TMEM63B: variants seen among roughly 807,000 people sequenced by gnomAD.
The protein encoded by TMEM63B is transmembrane protein 63B.
In TMEM63B, 23 loss-of-function variants were observed where a neutral mutation model predicts 102.6. The observed-to-expected ratio is 0.22, with a 90% CI of 0.16 to 0.32. The LOEUF is 0.32. Ranked by LOEUF, TMEM63B falls within the 10% of genes least tolerant of loss-of-function variation. TMEM63B has a pLI of 1.00. For synonymous variants in TMEM63B, 444 were observed against 437.0 expected (o/e 1.02, Z -0.20); for missense variants, 628 against 1,095.9 (o/e 0.57, Z 6.03).
At position 44,135,468 on chromosome 6, in the gene TMEM63B, A is replaced by G. The variant is rs1033249497; in HGVS notation, c.278+102A>G. On this transcript the variant is annotated intron_variant, in intron 4 of 23. Coordinates refer to ENST00000323267, the MANE Select transcript of TMEM63B (RefSeq NM_018426.3). Reference sequence around the variant, plus strand: ...TGCCAAGTTGCTGGTTTCTTTTTGCAGTTTTCTCCTCTGCAGGCTCATGTT... The same window carrying G: ...TGCCAAGTTGCTGGTTTCTTTTTGCGGTTTTCTCCTCTGCAGGCTCATGTT... 31 of 1,412,816 alleles carry G rather than the reference A, an allele frequency of 2.2e-5. No individual in the cohort carries two copies. The Middle Eastern group carries it at 8.9e-4, about 41-fold the overall frequency. The allele number at this position is 1,412,816 out of a possible 1,614,324, so 87.5% of individuals were successfully genotyped here.
At position 44,152,074 on chromosome 6, in the gene TMEM63B, C is replaced by A. The variant is rs1017138010; in HGVS notation, c.1836+66C>A. The A allele has an allele frequency of 6.6e-7, 1 of 1,513,478 alleles. No homozygotes were observed. The highest frequency in any genetic ancestry group is 1.4e-5 in the African/African-American group (1 of 71,174). The allele number at this position is 1,513,478 out of a possible 1,614,324, so 93.8% of individuals were successfully genotyped here. A position where few individuals can be genotyped will look rare whatever the true frequency, so the allele number is the denominator to read the frequency against. On this transcript the variant is annotated intron_variant, in intron 19 of 23. Coordinates refer to ENST00000323267, the MANE Select transcript of TMEM63B (RefSeq NM_018426.3). This position sits in a 1 kb window ranked among gnomAD's most constrained non-coding sequence, Gnocchi z 6.4. ...CTGGTGGCCCAACAAGAAACAGCAG[C>A]CATCGCGCTAGGGTTGAGGGGCACA...
Position 44,154,884 on chromosome 6 carries a change from G to A in TMEM63B, c.*1G>A. 1 of 1,537,636 alleles carries A rather than the reference G, an allele frequency of 6.5e-7. No individual in the cohort carries two copies. ...CATAGAGAATGAGATTCACCAGTAA[G>A]GGGAGGGAGGGGCCCTGGAGGCCAC... On this transcript the variant is annotated 3_prime_UTR_variant, in exon 24 of 24. Coordinates refer to ENST00000323267, the MANE Select transcript of TMEM63B (RefSeq NM_018426.3).
At position 44,154,890 on chromosome 6, in the gene TMEM63B, G is replaced by A; in HGVS notation, c.*7G>A. ...GAATGAGATTCACCAGTAAGGGGAG[G>A]GAGGGGCCCTGGAGGCCACATCCTG... On this transcript the variant is annotated 3_prime_UTR_variant, in exon 24 of 24. Transcript: ENST00000323267. 6.5e-7 allele frequency: 1 copy of A among 1,530,216 alleles called. No homozygotes were observed. Among genetic ancestry groups the A allele is most frequent in the Non-Finnish European group, 8.8e-7 (1 of 1,139,732 alleles). 94.8% of individuals were successfully genotyped at this position (1,530,216 alleles called of 1,614,324 possible).
intron 10 of TMEM63B, among the ~76,000 whole-genome samples, chr6:44,141,316 G>A (rs1297674791): frequency 6.6e-6 from 1 of 152,156 alleles, no homozygotes; most frequent in Non-Finnish European, 1.5e-5. Flanking sequence ...AACCTGAAGA[G>A]TGAGTCATTC....
At position 44,135,142 on chromosome 6, in the gene TMEM63B, G is replaced by A. The variant is rs200910466; in HGVS notation, c.239+46G>A. ...CTCTAGCTCTCCACACACACATCTT[G>A]TTCCACACTCCTCAGGAATAGGAAG... On this transcript the variant is annotated intron_variant, in intron 3 of 23. Transcript: ENST00000323267. The A allele has an allele frequency of 2.6e-5, 41 of 1,605,944 alleles. No homozygotes were observed. In the East Asian group the frequency reaches 8.3e-4, roughly 32 times the overall value.
intron 4 of TMEM63B, among the ~76,000 whole-genome samples, chr6:44,135,690 A>G (rs920538478): frequency 4.6e-5 from 7 of 152,164 alleles, no homozygotes; most frequent in African/African-American, 1.7e-4. Flanking sequence ...ACGTAGAGAC[A>G]AGATTGGGTG....
intron 1 of TMEM63B, 33 bp from the exon 2 acceptor site, chr6:44,134,528 C>T (rs544567790): frequency 3.5e-4 from 561 of 1,588,702 alleles, no homozygotes; most frequent in Non-Finnish European, 4.3e-4. Flanking sequence ...GGGATGGGGG[C>T]AAGCCCAGCT....
chr6:44,135,352 A>G lies in TMEM63B; in HGVS notation c.264A>G (p.Arg88=), dbSNP rs1399823674. The change falls in exon 4 of 24, where the codon CGA becomes CGG. Residue 88 remains arginine (R), a synonymous_variant. Transcript: ENST00000323267. ...GGCTTCGGCGGCAGGAGAGGGACCGAGTGGAACAGGAATAGTATGTGGGGC... is the reference window on the plus strand; with the variant it reads ...GGCTTCGGCGGCAGGAGAGGGACCGGGTGGAACAGGAATAGTATGTGGGGC... ...ADRLRRQERD[R]VEQEYVASAM... The G allele has an allele frequency of 6.2e-7, 1 of 1,613,002 alleles. No individual in the cohort carries two copies. Among genetic ancestry groups the G allele is most frequent in the Non-Finnish European group, 8.5e-7 (1 of 1,179,460 alleles).
chr6:44,141,128 A>G (rs779845952), intron 10 of TMEM63B, 30 bp downstream of exon 10: 37 of 1,607,456 alleles, frequency 2.3e-5, no homozygotes, highest in Non-Finnish European at 3.1e-5. Context: ...CCCTACCCTC[A>G]AGCCCTGCTG....
At chr6:44,134,451 C>T (rs1562115462) in intron 1 of TMEM63B, 110 bp from the exon 2 acceptor site, 1 of 1,165,994 alleles carries the variant, frequency 8.6e-7, no homozygotes, top group Non-Finnish European at 1.2e-6. Context: ...AGCTTCCATC[C>T]ACCCAGGCAG....
At chr6:44,137,943 G>T (rs983978421) in intron 5 of TMEM63B, among the ~76,000 whole-genome samples, 1 of 152,008 alleles carries the variant, frequency 6.6e-6, no homozygotes, top group Non-Finnish European at 1.5e-5. Flanking sequence ...CAGTTGATCC[G>T]CCCGCCTTGG....
chr6:44,137,311 G>GA (rs1401973448), intron 5 of TMEM63B, among the ~76,000 whole-genome samples: 1 of 152,194 alleles, frequency 6.6e-6, no homozygotes, highest in Non-Finnish European at 1.5e-5. Flanking sequence ...TGAGGGTAAG[G>GA]AGCCTAGTCA....
At chr6:44,141,380 G>C (rs1764233516) in intron 10 of TMEM63B, among the ~76,000 whole-genome samples, 2 of 152,156 alleles carry the variant, frequency 1.3e-5, no homozygotes, top group Non-Finnish European at 2.9e-5. Context: ...ATAGGTTGTT[G>C]ACCCAGGTCC....
chr6:44,149,345 G>A (rs1219061815), intron 15 of TMEM63B: 2 of 335,000 alleles, frequency 6.0e-6, no homozygotes, highest in Non-Finnish European at 1.1e-5. Context: ...GATGACAGTA[G>A]GGTGGCATGC....
chr6:44,147,633 G>A, intron 12 of TMEM63B, 133 bp downstream of exon 12: 1 of 1,296,802 alleles, frequency 7.7e-7, no homozygotes, highest in Non-Finnish European at 1.1e-6. Flanking sequence ...TGTTGGGTTT[G>A]TCTAATGTCC....
rs1306809835 is a variant in TMEM63B, at chr6:44,134,669, C to G, written c.85C>G (p.Arg29Gly). The G allele has an allele frequency of 6.2e-7, 1 of 1,614,228 alleles. No individual in the cohort carries two copies. Residue 29 changes from arginine (R) to glycine (G), a missense_variant, in exon 2 of 24, where the codon CGC (arginine) becomes GGC (glycine). Transcript: ENST00000323267. ...GGACTACTGCTACAGCGCCCGCATC[C>G]GCAGCACTGTCCTGCAGGGCCTGCC... ...PKDYCYSARI[R>G]STVLQGLPFG...
At chr6:44,138,584 A>C in intron 6 of TMEM63B, 67 bp downstream of exon 6, 1 of 1,601,628 alleles carries the variant, frequency 6.2e-7, no homozygotes, top group Non-Finnish European at 8.5e-7. Context: ...TCCCTACAAA[A>C]TTCAGAAGCC....
Position 44,153,682 on chromosome 6 carries a change from T to G in TMEM63B, c.1949T>G (p.Met650Arg), listed in dbSNP as rs1696119109. ...CCCATGTGGCTTCCCTTAGGGCTCA[T>G]GTACATGCTGCTGAAGCACCTGGTA... ...TCPIIVPFGL[M>R]YMLLKHLVDR... Residue 650 changes from methionine (M) to arginine (R), a missense_variant, in exon 21 of 24, where the codon ATG (methionine) becomes AGG (arginine). Met to Arg is a moderately conservative substitution (Grantham distance 91). Coordinates refer to ENST00000323267, the MANE Select transcript of TMEM63B (RefSeq NM_018426.3). The G allele has an allele frequency of 6.2e-7, 1 of 1,613,694 alleles. No individual in the cohort carries two copies. Among genetic ancestry groups the G allele is most frequent in the Admixed American group, 1.7e-5 (1 of 59,984 alleles).
rs376617501 is a variant in TMEM63B, at chr6:44,152,406, C to T, written c.1837-187C>T. ...TGCCCCATCACTGCAACCGCCCTGA[C>T]CCTCCTCTCGGCCATAGCCCCTCTC... On this transcript the variant is annotated intron_variant, in intron 19 of 23. Transcript: ENST00000323267. The surrounding 1 kb of genome is among the most constrained non-coding windows in gnomAD (Gnocchi z 6.4). Among the ~76,000 whole-genome samples the T allele has an allele frequency of 2.4e-4, 36 of 152,164 alleles. No individual in the cohort carries two copies. The East Asian group carries it at 2.9e-3, about 12-fold the overall frequency.
Sources: allele counts gnomAD v4.1 joint callset (sites outside exome capture counted in the v4.1 genomes callset), GRCh38; gene constraint gnomAD v4.1.1; non-coding constraint Gnocchi (gnomAD v3.1); transcripts MANE v1.5; gene names NCBI Gene and HGNC (gene_info 2026-07-23, HGNC 2026-07-21).